The following SPAG5 variants were observed in gnomAD, a reference collection of about 807,000 sequenced individuals.
SPAG5 encodes sperm associated antigen 5.
In SPAG5, 99 loss-of-function variants were observed where a neutral mutation model predicts 145.4. The observed-to-expected ratio is 0.68, with a 90% CI of 0.58 to 0.80. The LOEUF (loss-of-function observed/expected upper bound fraction) is 0.80, where lower values mean the gene tolerates loss of function less well. Ranked by LOEUF, SPAG5 falls within the 30% of genes least tolerant of loss-of-function variation. The pLI is 0.00. For missense variants in SPAG5, 1,192 were observed against 1,416.0 expected (o/e 0.84, Z 2.54); for synonymous variants, 477 against 525.4 (o/e 0.91, Z 1.26).
intron 4 of SPAG5, among the ~76,000 whole-genome samples, chr17:28,590,113 G>A (rs572663396): frequency 2.0e-4 from 31 of 152,186 alleles, no homozygotes; most frequent in Admixed American, 9.8e-4. Context: ...AAACATGCTC[G>A]GCAAAATTTA....
Position 28,578,083 on chromosome 17 carries a change from A to T in SPAG5, c.3437T>A (p.Ile1146Asn). The T allele has an allele frequency of 6.2e-7, 1 of 1,613,996 alleles. No homozygotes were observed. Among genetic ancestry groups the T allele is most frequent in the Non-Finnish European group, 8.5e-7 (1 of 1,179,826 alleles). ...LMIKFQSHRN[I>N]LEENLRRSDK... ...AGAGCGCCGAAGGTTCTCCTCTAGG[A>T]TATTTCTCTAGAAAGCAAACAGATT... Residue 1146 changes from isoleucine (I) to asparagine (N), a missense_variant, in exon 23 of 24, where the codon ATC (isoleucine) becomes AAC (asparagine). By Grantham distance (149) the Ile-to-Asn change is moderately radical. This residue lies in a region of SPAG5 where 709 missense variants were observed against 840.7 expected (regional missense o/e 0.84). Transcript: ENST00000321765.
Position 28,598,997 on chromosome 17 carries a change from A to C in SPAG5, c.-51T>G, listed in dbSNP as rs752859065. 2 of 1,569,730 alleles carry C rather than the reference A, an allele frequency of 1.3e-6. No individual in the cohort carries two copies. Among genetic ancestry groups the C allele is most frequent in the South Asian group, 2.2e-5 (2 of 90,146 alleles). On this transcript the variant is annotated 5_prime_UTR_variant, in exon 1 of 24. An upstream start codon of the reference 5' UTR is lost. Transcript: ENST00000321765. ...CGTCTCAGACCAAGTCGAGGACGCCATGTTCACCCGCCGTCTGTGTTTGAA... is the reference window on the plus strand; with the variant it reads ...CGTCTCAGACCAAGTCGAGGACGCCCTGTTCACCCGCCGTCTGTGTTTGAA...
intron 15 of SPAG5, among the ~76,000 whole-genome samples, chr17:28,583,260 G>A (rs1419404881): frequency 6.6e-6 from 1 of 152,216 alleles, no homozygotes; most frequent in Non-Finnish European, 1.5e-5. Context: ...TGTGGGAACA[G>A]CCAGAGTCTG....
chr17:28,589,878 C>T (rs909657209), intron 4 of SPAG5, among the ~76,000 whole-genome samples: 6 of 152,160 alleles, frequency 3.9e-5, no homozygotes, highest in African/African-American at 1.4e-4. Flanking sequence ...CAACATGGTA[C>T]TCTAGCCTGG....
rs2151520691 is a variant in SPAG5 at position 28,585,125 on chromosome 17, C to T, written c.2044G>A (p.Val682Met). ...KSQQALQERD[V>M]AIEEKQEVSR... ...ACCTCCTGCTTTTCCTCAATTGCCACATCACGTTCCTGCAGGGCTTGCTGG... is the reference window on the plus strand; with the variant it reads ...ACCTCCTGCTTTTCCTCAATTGCCATATCACGTTCCTGCAGGGCTTGCTGG... The change falls in exon 10 of 24, where the codon GTG becomes ATG. Residue 682 changes from valine (V) to methionine (M), a missense_variant. Physicochemically the swap from Val to Met is conservative, Grantham distance 21. Transcript: ENST00000321765. 2 of 1,614,212 alleles carry T rather than the reference C, an allele frequency of 1.2e-6. No individual in the cohort carries two copies. Among genetic ancestry groups the T allele is most frequent in the Non-Finnish European group, 1.7e-6 (2 of 1,180,022 alleles).
chr17:28,583,708 C>A, intron 14 of SPAG5, 59 bp from the exon 15 acceptor site: 1 of 1,554,276 alleles, frequency 6.4e-7, no homozygotes, highest in South Asian at 1.2e-5. Flanking sequence ...GAACGCCTAT[C>A]CCAAATCCCC....
At position 28,587,407 on chromosome 17, in the gene SPAG5, G is replaced by A. The variant is rs532605800; in HGVS notation, c.1438-908C>T. Among the ~76,000 whole-genome samples, 5 of 151,416 alleles carry A rather than the reference G, an allele frequency of 3.3e-5. No individual in the cohort carries two copies. In the South Asian group the frequency reaches 1.0e-3, roughly 32 times the overall value. On this transcript the variant is annotated intron_variant, in intron 4 of 23. Coordinates refer to ENST00000321765, the MANE Select transcript of SPAG5 (RefSeq NM_006461.4). ...ACTAAAACTACAAAATTAGCCAGGC[G>A]TGGTGGCACGTGCCTGTAATCCCAG...
chr17:28,586,209 G>A lies in SPAG5; in HGVS notation c.1513-27C>T, dbSNP rs1228637968. 3.8e-6 allele frequency: 6 copies of A among 1,582,192 alleles called. No homozygotes were observed. The South Asian group carries it at 5.5e-5, about 15-fold the overall frequency. ...TGTAGAGAAAAAAATGGGTAGGTGAGATCAAATAAAGTCACTAAGCAGGAA... is the reference window on the plus strand; with the variant it reads ...TGTAGAGAAAAAAATGGGTAGGTGAAATCAAATAAAGTCACTAAGCAGGAA... On this transcript the variant is annotated intron_variant, in intron 5 of 23. Transcript: ENST00000321765.
intron 4 of SPAG5, among the ~76,000 whole-genome samples, chr17:28,587,406 C>T (rs887067790): frequency 2.0e-5 from 3 of 151,976 alleles, no homozygotes; most frequent in Non-Finnish European, 4.4e-5. Flanking sequence ...ATTAGCCAGG[C>T]GTGGTGGCAC....
intron 4 of SPAG5, among the ~76,000 whole-genome samples, chr17:28,588,553 T>C (rs1222526207): frequency 6.6e-6 from 1 of 152,230 alleles, no homozygotes; most frequent in Non-Finnish European, 1.5e-5. Flanking sequence ...TCTGCACATT[T>C]GGGGACCATC....
At chr17:28,579,330 C>T (rs1484588839) in intron 18 of SPAG5, 35 bp downstream of exon 18, 1 of 1,613,732 alleles carries the variant, frequency 6.2e-7, no homozygotes, top group South Asian at 1.1e-5. Flanking sequence ...GGATGTCTCA[C>T]TGTCCCTCTG....
chr17:28,592,132 T>A lies in SPAG5; in HGVS notation c.1112A>T (p.Asp371Val). 1 of 1,614,040 alleles carries A rather than the reference T, an allele frequency of 6.2e-7. No individual in the cohort carries two copies. Among genetic ancestry groups the A allele is most frequent in the Non-Finnish European group, 8.5e-7 (1 of 1,179,998 alleles). ...GAAAGGGGTAGTGCCAATTGCAGCA[T>A]CCCGAAGCATCGAGGGAAGGGATAA... ...QSLSLPSMLRDAAIGTTPFST... is the reference protein window; with the variant it reads ...QSLSLPSMLRVAAIGTTPFST... The change falls in exon 3 of 24, where the codon GAT becomes GTT. Residue 371 changes from aspartate (D) to valine (V), a missense_variant. By Grantham distance (152) the Asp-to-Val change is radical (BLOSUM62 -3). Around this residue, in one of 5 missense-constraint regions of SPAG5, gnomAD observed 125 missense variants for 143.8 expected, o/e 0.87. Coordinates refer to ENST00000321765, the MANE Select transcript of SPAG5 (RefSeq NM_006461.4).
chr17:28,598,861 G>T, intron 1 of SPAG5, 35 bp downstream of exon 1: 1 of 1,611,578 alleles, frequency 6.2e-7, no homozygotes, highest in Non-Finnish European at 8.5e-7. Context: ...ACAGCAGCCC[G>T]GCCCAGTTCT....
chr17:28,582,557 T>C (rs1417995961), intron 15 of SPAG5, among the ~76,000 whole-genome samples: 1 of 152,232 alleles, frequency 6.6e-6, no homozygotes, highest in Non-Finnish European at 1.5e-5. Flanking sequence ...ACCTCTACCA[T>C]GATCATAAGT....
chr17:28,597,431 T>A (rs764935314), intron 2 of SPAG5, among the ~76,000 whole-genome samples: 59 of 152,210 alleles, frequency 3.9e-4, no homozygotes, highest in Non-Finnish European at 7.1e-4. Context: ...AACAAAAAAA[T>A]TCAATTCTTC....
At position 28,586,182 on chromosome 17, in the gene SPAG5, G is replaced by A. The variant is rs1403851144; in HGVS notation, c.1513C>T (p.Gln505Ter). Residue 505 changes from glutamine to a stop codon, truncating the protein, a stop_gained and splice_region_variant, in exon 6 of 24, where the codon CAA becomes TAA. Coordinates refer to ENST00000321765, the MANE Select transcript of SPAG5 (RefSeq NM_006461.4). LOFTEE classifies it high-confidence loss of function. The part of the protein sequence containing the change: ...QALQQARNVM[Q>*]SWVLISKELI... ...TCTTTAGAGATAAGCACCCATGATT[G>A]CTGTAGAGAAAAAAATGGGTAGGTG... 6.2e-7 allele frequency: 1 copy of A among 1,612,594 alleles called. No individual in the cohort carries two copies. The highest frequency in any genetic ancestry group is 8.5e-7 in the Non-Finnish European group (1 of 1,178,764).
At chr17:28,588,003 A>G (rs1197828837) in intron 4 of SPAG5, among the ~76,000 whole-genome samples, 1 of 152,238 alleles carries the variant, frequency 6.6e-6, no homozygotes, top group Non-Finnish European at 1.5e-5. Flanking sequence ...GAACCCCAGA[A>G]GACAAGTTCT....
Position 28,598,924 on chromosome 17 carries a change from C to CTT in SPAG5, c.22_23insAA (p.Ser8LysfsTer16). The stretch of plus-strand genomic sequence containing the variant: ...CTGGGGCGAAGGCGACAGGCTGAGG[C>CTT]TCAGTTTTTTCACTCGCCACATCTT... On this transcript the variant is annotated frameshift_variant, in exon 1 of 24. Transcript: ENST00000321765. LOFTEE classifies it high-confidence loss of function. 6.2e-7 allele frequency: 1 copy of CTT among 1,614,060 alleles called. No homozygotes were observed. Among genetic ancestry groups the CTT allele is most frequent in the Non-Finnish European group, 8.5e-7 (1 of 1,180,004 alleles).
chr17:28,582,330 T>C (rs2070554458), intron 15 of SPAG5, among the ~76,000 whole-genome samples: 1 of 152,210 alleles, frequency 6.6e-6, no homozygotes, highest in African/African-American at 2.4e-5. Flanking sequence ...TCATGTACTA[T>C]GTGCATGACT....
Sources: gnomAD v4.1 joint callset for allele counts (sites outside exome capture counted in the v4.1 genomes callset) on GRCh38, gnomAD v4.1.1 for gene constraint, gnomAD v4.1.1 regional missense constraint, MANE v1.5 for transcripts, NCBI Gene and HGNC (gene_info 2026-07-23, HGNC 2026-07-21) for gene names.